The following NDUFAF2 variants were observed in gnomAD, a reference collection of about 807,000 sequenced individuals.
The protein encoded by NDUFAF2 is NADH:ubiquinone oxidoreductase complex assembly factor 2.
A neutral mutation model predicts 22.8 loss-of-function variants in NDUFAF2; 13 were observed. The observed-to-expected ratio is 0.57, with a 90% confidence interval of 0.37 to 0.91. NDUFAF2 has a LOEUF of 0.91. Ranked by LOEUF, NDUFAF2 falls within the 40% of genes least tolerant of loss-of-function variation. The pLI is 0.01. For synonymous variants in NDUFAF2, 53 were observed against 64.2 expected (o/e 0.83, Z 0.84); for missense variants, 162 against 195.2 (o/e 0.83, Z 1.01).
intron 1 of NDUFAF2, among the ~76,000 whole-genome samples, chr5:60,947,119 T>C (rs192761817): frequency 6.6e-6 from 1 of 152,296 alleles, no homozygotes; most frequent in East Asian, 1.9e-4. Flanking sequence ...AGTTTTCATA[T>C]CTCTTGGGTA....
chr5:61,149,985 C>T (rs1403611353), intron 3 of NDUFAF2, among the ~76,000 whole-genome samples: 6 of 151,938 alleles, frequency 3.9e-5, no homozygotes, highest in African/African-American at 7.3e-5. Context: ...GTTGGAGTGC[C>T]GTGGTACAAT....
rs183064313 is a variant in NDUFAF2 at position 61,087,990 on chromosome 5, C to T, written c.218-11002C>T. Among the ~76,000 whole-genome samples, 3 of 152,224 alleles carry T rather than the reference C, an allele frequency of 2.0e-5. No individual in the cohort carries two copies. The East Asian group carries it at 5.8e-4, about 29-fold the overall frequency. On this transcript the variant is annotated intron_variant, in intron 2 of 3. Transcript: ENST00000296597. The stretch of plus-strand genomic sequence containing the variant: ...CTAGGTTCTTTAGTTAAGGGTTTCA[C>T]TAAGCTGTAATCAACCCAAGGCTGG...
intron 1 of NDUFAF2, among the ~76,000 whole-genome samples, chr5:60,968,508 A>T (rs931578223): frequency 1.4e-4 from 21 of 151,530 alleles, no homozygotes; most frequent in Non-Finnish European, 2.8e-4. Context: ...TACACGCTAT[A>T]AGTTTTGGTA....
chr5:61,090,545 A>G (rs756975011), intron 2 of NDUFAF2, among the ~76,000 whole-genome samples: 14 of 152,114 alleles, frequency 9.2e-5, no homozygotes, highest in Non-Finnish European at 1.9e-4. Flanking sequence ...TTCTAAAGCT[A>G]GAATTAACTT....
At chr5:61,136,161 A>T (rs1289574535) in intron 3 of NDUFAF2, among the ~76,000 whole-genome samples, 1 of 149,640 alleles carries the variant, frequency 6.7e-6, no homozygotes, top group South Asian at 2.1e-4. Flanking sequence ...TTATGTTGTC[A>T]TTTGCTATTT....
intron 3 of NDUFAF2, among the ~76,000 whole-genome samples, chr5:61,144,410 G>A (rs1741105051): frequency 6.6e-6 from 1 of 152,020 alleles, no homozygotes. Flanking sequence ...ATAAAAATGG[G>A]TAATTTATAA....
chr5:61,079,267 C>T (rs746074766), intron 2 of NDUFAF2, among the ~76,000 whole-genome samples: 1 of 152,154 alleles, frequency 6.6e-6, no homozygotes, highest in Non-Finnish European at 1.5e-5. Context: ...ATGTCTTTCT[C>T]AGGCCACAGG....
At chr5:61,128,980 G>A (rs1354914751) in intron 3 of NDUFAF2, among the ~76,000 whole-genome samples, 1 of 152,142 alleles carries the variant, frequency 6.6e-6, no homozygotes, top group Non-Finnish European at 1.5e-5. Flanking sequence ...CAAAAAGTGG[G>A]CAAAGTATAT....
chr5:61,150,412 C>T lies in NDUFAF2; in HGVS notation c.259-2292C>T, dbSNP rs998005298. 4.6e-5 allele frequency among the ~76,000 whole-genome samples: 7 copies of T among 152,028 alleles called. No homozygotes were observed. In the South Asian group the frequency reaches 1.4e-3, roughly 31 times the overall value. On this transcript the variant is annotated intron_variant, in intron 3 of 3. Coordinates refer to ENST00000296597, the MANE Select transcript of NDUFAF2 (RefSeq NM_174889.5). ...ATTTTTTAACTCTGAAATCTTTAACCATCTTCATATATAAAAATAATTAAT... is the reference window on the plus strand; with the variant it reads ...ATTTTTTAACTCTGAAATCTTTAACTATCTTCATATATAAAAATAATTAAT...
At chr5:61,069,053 A>G (rs1002183118) in intron 1 of NDUFAF2, among the ~76,000 whole-genome samples, 1 of 152,094 alleles carries the variant, frequency 6.6e-6, no homozygotes, top group African/African-American at 2.4e-5. Context: ...TATAGCTTAA[A>G]TGAAATTACT....
chr5:60,995,367 T>A (rs1012052590), intron 1 of NDUFAF2, among the ~76,000 whole-genome samples: 1 of 152,244 alleles, frequency 6.6e-6, no homozygotes, highest in Non-Finnish European at 1.5e-5. Flanking sequence ...GGTGTTGTGT[T>A]CTAAGCTGTA....
chr5:60,983,173 T>C (rs1330545122), intron 1 of NDUFAF2, among the ~76,000 whole-genome samples: 1 of 150,940 alleles, frequency 6.6e-6, no homozygotes, highest in African/African-American at 2.4e-5. Context: ...TTTTTTCATG[T>C]GTCTTTTGGC....
intron 1 of NDUFAF2, among the ~76,000 whole-genome samples, chr5:61,040,220 A>G (rs2111678634): frequency 6.6e-6 from 1 of 150,418 alleles, no homozygotes; most frequent in East Asian, 2.0e-4. Flanking sequence ...CTCTAAATCT[A>G]ATGACTGGTA....
At chr5:60,972,827 A>G (rs1384915088) in intron 1 of NDUFAF2, among the ~76,000 whole-genome samples, 1 of 116,938 alleles carries the variant, frequency 8.6e-6, no homozygotes, top group African/African-American at 3.3e-5. Flanking sequence ...AAAATTTCTC[A>G]TGGTATATAG....
At chr5:61,096,088 G>A (rs1413491359) in intron 2 of NDUFAF2, among the ~76,000 whole-genome samples, 1 of 151,978 alleles carries the variant, frequency 6.6e-6, no homozygotes, top group Non-Finnish European at 1.5e-5. Context: ...AAGGAATTGT[G>A]GTATTGCTAA....
intron 1 of NDUFAF2, among the ~76,000 whole-genome samples, chr5:60,994,702 A>T (rs78234258): frequency 0.02 from 3,047 of 152,208 alleles, 120 homozygotes; most frequent in African/African-American, 0.07. Flanking sequence ...GGTGTTCTAT[A>T]ACCTTCTTGT....
chr5:61,049,084 A>G (rs926742627), intron 1 of NDUFAF2, among the ~76,000 whole-genome samples: 3 of 152,148 alleles, frequency 2.0e-5, no homozygotes, highest in Non-Finnish European at 2.9e-5. Context: ...CTTTTTATAT[A>G]TATAGAATTT....
intron 1 of NDUFAF2, among the ~76,000 whole-genome samples, chr5:60,968,701 TG>T (rs1220792234): frequency 2.6e-5 from 4 of 152,110 alleles, no homozygotes; most frequent in African/African-American, 7.2e-5. Flanking sequence ...TCATCTGTAC[TG>T]TGAACAATTC....
intron 3 of NDUFAF2, among the ~76,000 whole-genome samples, chr5:61,106,353 A>G (rs192216206): frequency 1.2e-3 from 176 of 151,588 alleles, no homozygotes; most frequent in Middle Eastern, 3.4e-3. Flanking sequence ...GCTTCTTTCT[A>G]TGATGCACTG....
Sources: allele counts gnomAD v4.1 joint callset (sites outside exome capture counted in the v4.1 genomes callset), GRCh38; gene constraint gnomAD v4.1.1; transcripts MANE v1.5; gene names NCBI Gene and HGNC (gene_info 2026-07-23, HGNC 2026-07-21).